Variants in CIMIP3 observed in about 807,000 individuals in gnomAD.
CIMIP3 encodes ciliary microtubule inner protein 3, also known as GUCA1A neighbor.
chr6:42,163,307 C>T, the CIMIP3 span: 2 of 491,054 alleles, frequency 4.1e-6, no homozygotes, highest in Non-Finnish European at 7.5e-6. Flanking sequence ...CCTCAGGTCC[C>T]CAAGGGGAAG....
At chr6:42,156,986 G>C in the CIMIP3 span, among the ~76,000 whole-genome samples, 1 of 152,218 alleles carries the variant, frequency 6.6e-6, no homozygotes, top group African/African-American at 2.4e-5. Flanking sequence ...ACTGGGCAAG[G>C]CCATGTGCCT....
At chr6:42,161,907 T>C in the CIMIP3 span, among the ~76,000 whole-genome samples, 1 of 151,860 alleles carries the variant, frequency 6.6e-6, no homozygotes, top group African/African-American at 2.4e-5. Flanking sequence ...GAGCTGAAAC[T>C]CTAATGGGAA....
At chr6:42,161,411 G>A in the CIMIP3 span, among the ~76,000 whole-genome samples, 5 of 152,182 alleles carry the variant, frequency 3.3e-5, no homozygotes, top group African/African-American at 9.6e-5. Flanking sequence ...TGACACACAC[G>A]CAGGATGGAT....
At chr6:42,161,188 CA>C in the CIMIP3 span, among the ~76,000 whole-genome samples, 2 of 151,888 alleles carry the variant, frequency 1.3e-5, no homozygotes, top group Admixed American at 6.6e-5. Flanking sequence ...AACTCCATCT[CA>C]AAAAACAAAA....
chr6:42,156,570 C>A, the CIMIP3 span, among the ~76,000 whole-genome samples: 1 of 152,152 alleles, frequency 6.6e-6, no homozygotes, highest in Non-Finnish European at 1.5e-5. Flanking sequence ...TGTGCTCCCC[C>A]AAAGGGAAAC....
the CIMIP3 span, chr6:42,163,363 C>T: frequency 2.4e-6 from 1 of 421,050 alleles, no homozygotes; most frequent in Non-Finnish European, 4.2e-6. Flanking sequence ...GCTAAGACAG[C>T]TGTGCCATGC....
chr6:42,162,241 C>A, the CIMIP3 span, among the ~76,000 whole-genome samples: 1 of 151,370 alleles, frequency 6.6e-6, no homozygotes, highest in Admixed American at 6.6e-5. Context: ...TGGTGAAACC[C>A]CATCTGTACT....
chr6:42,162,110 TTTTTTTTTTTGA>T, the CIMIP3 span, among the ~76,000 whole-genome samples: 19 of 130,278 alleles, frequency 1.5e-4, no homozygotes, highest in Non-Finnish European at 2.0e-4. Flanking sequence ...TTTTTTTTTT[TTTTTTTTTTTGA>T]GACACAGTAG....
At chr6:42,159,385 G>T in the CIMIP3 span, among the ~76,000 whole-genome samples, 1 of 152,208 alleles carries the variant, frequency 6.6e-6, no homozygotes, top group Admixed American at 6.5e-5. Flanking sequence ...TTCACACCAA[G>T]AGCCTGGCAT....
the CIMIP3 span, among the ~76,000 whole-genome samples, chr6:42,162,284 GGT>G: frequency 6.7e-6 from 1 of 149,890 alleles, no homozygotes; most frequent in Non-Finnish European, 1.5e-5. Context: ...CGTGGTGGCG[GGT>G]GCCTGTAATC....
At chr6:42,160,596 C>T in the CIMIP3 span, among the ~76,000 whole-genome samples, 1 of 152,186 alleles carries the variant, frequency 6.6e-6, no homozygotes, top group Non-Finnish European at 1.5e-5. Flanking sequence ...TGAATGACAA[C>T]TTCTTCAAAA....
the CIMIP3 span, among the ~76,000 whole-genome samples, chr6:42,162,629 AG>A: frequency 4.7e-4 from 40 of 85,088 alleles, no homozygotes; most frequent in Non-Finnish European, 7.3e-4. Flanking sequence ...GATGCAGGGA[AG>A]GGGGGTGGGG....
chr6:42,162,333 T>TA, the CIMIP3 span, among the ~76,000 whole-genome samples: 1 of 151,342 alleles, frequency 6.6e-6, no homozygotes, highest in East Asian at 1.9e-4. Context: ...AAGAATCGCT[T>TA]GAACCCAGGA....
At chr6:42,158,902 T>C in the CIMIP3 span, among the ~76,000 whole-genome samples, 1 of 152,170 alleles carries the variant, frequency 6.6e-6, no homozygotes, top group Non-Finnish European at 1.5e-5. Flanking sequence ...GCCAAGAGGC[T>C]GATGCAGCCT....
the CIMIP3 span, chr6:42,162,772 C>T: frequency 2.3e-6 from 1 of 434,874 alleles, no homozygotes; most frequent in Non-Finnish European, 4.1e-6. Context: ...TCTGGAGGTC[C>T]CTGGCTCCAT....
the CIMIP3 span, chr6:42,162,879 T>A: frequency 5.0e-6 from 3 of 598,888 alleles, no homozygotes; most frequent in Non-Finnish European, 9.2e-6. Context: ...GAAGTCCCAG[T>A]ATCCAATGCC....
the CIMIP3 span, among the ~76,000 whole-genome samples, chr6:42,158,431 A>T: frequency 1.3e-5 from 2 of 151,820 alleles, no homozygotes; most frequent in Non-Finnish European, 2.9e-5. Context: ...TGTTCCGGGG[A>T]CCCTGGCTGT....
chr6:42,155,732 C>G, the CIMIP3 span: 1 of 685,432 alleles, frequency 1.5e-6, no homozygotes, highest in African/African-American at 1.8e-5. Flanking sequence ...CTTGCTTCCT[C>G]TGCCCCTTCA....
chr6:42,159,886 G>A, the CIMIP3 span, among the ~76,000 whole-genome samples: 5 of 152,238 alleles, frequency 3.3e-5, no homozygotes, highest in Non-Finnish European at 7.3e-5. Context: ...TACAAGTGGG[G>A]CTAATAATAG....
Sources: gnomAD v4.1 joint callset for allele counts (sites outside exome capture counted in the v4.1 genomes callset) on GRCh38, gnomAD v4.1.1 for gene constraint, MANE v1.5 for transcripts, NCBI Gene and HGNC (gene_info 2026-07-23, HGNC 2026-07-21) for gene names.